The following FIGN variants were observed in gnomAD, a reference collection of about 807,000 sequenced individuals.
The protein encoded by FIGN is fidgetin.
Under a neutral mutation model 51.3 loss-of-function variants are expected in FIGN, and 11 were observed. That is an observed-to-expected ratio of 0.21 (90% CI 0.13 to 0.35). The LOEUF is 0.35. Among genes scored for constraint, FIGN ranks in the 10% least tolerant of loss-of-function variants. FIGN has a pLI of 1.00. For synonymous variants in FIGN, 407 were observed against 363.2 expected (o/e 1.12, Z -1.37); for missense variants, 857 against 943.6 (o/e 0.91, Z 1.20).
chr2:163,692,858 A>G (rs1684259159), intron 2 of FIGN, among the ~76,000 whole-genome samples: 2 of 152,212 alleles, frequency 1.3e-5, no homozygotes, highest in Non-Finnish European at 2.9e-5. Context: ...GGAGACAAGA[A>G]GGCAAACACA....
At chr2:163,662,957 G>T (rs901334620) in intron 2 of FIGN, among the ~76,000 whole-genome samples, 13 of 152,244 alleles carry the variant, frequency 8.5e-5, no homozygotes, top group African/African-American at 3.1e-4. Context: ...GCTTCTGAGG[G>T]CTCCCCAGCC....
chr2:163,734,888 C>A lies in FIGN; in HGVS notation c.25+15G>T. 7 of 1,601,372 alleles carry A rather than the reference C, an allele frequency of 4.4e-6. No individual in the cohort carries two copies. The highest frequency in any genetic ancestry group is 6.0e-6 in the Non-Finnish European group (7 of 1,174,704). ...TATTTAGATGCAAAGGAAGTAAATT[C>A]CAAAACTGACATACCATAAACACTG... On this transcript the variant is annotated intron_variant, in intron 2 of 2. Transcript: ENST00000333129.
Position 163,611,166 on chromosome 2 carries a change from G to A in FIGN, c.666C>T (p.Pro222=), listed in dbSNP as rs747601724. ...SPLHSSGLLQ[P]PPPPPPPPAL... ...CTGGTGGCGGAGGAGGTGGTGGTGGGGGCTGTAGTAGCCCAGAGCTATGCA... is the reference window on the plus strand; with the variant it reads ...CTGGTGGCGGAGGAGGTGGTGGTGGAGGCTGTAGTAGCCCAGAGCTATGCA... Residue 222 remains proline, a synonymous_variant, in exon 3 of 3, where the codon CCC becomes CCT. Coordinates refer to ENST00000333129, the MANE Select transcript of FIGN (RefSeq NM_018086.4). 3.7e-6 allele frequency: 6 copies of A among 1,614,002 alleles called. No homozygotes were observed. In the South Asian group the frequency reaches 4.4e-5, roughly 12 times the overall value.
intron 2 of FIGN, among the ~76,000 whole-genome samples, chr2:163,626,090 T>G (rs1683049779): frequency 6.6e-6 from 1 of 152,168 alleles, no homozygotes; most frequent in Non-Finnish European, 1.5e-5. Context: ...TGTTTTCAGC[T>G]TTCTGAATCA....
At chr2:163,617,698 G>C (rs1682903017) in intron 2 of FIGN, among the ~76,000 whole-genome samples, 1 of 152,136 alleles carries the variant, frequency 6.6e-6, no homozygotes, top group African/African-American at 2.4e-5. Flanking sequence ...TGTAGAATAA[G>C]ACCACTGGCA....
At chr2:163,628,244 G>A (rs1683086795) in intron 2 of FIGN, among the ~76,000 whole-genome samples, 1 of 134,612 alleles carries the variant, frequency 7.4e-6, no homozygotes, top group Non-Finnish European at 1.6e-5. Context: ...CTAATAGAGA[G>A]AGGTGGCTAT....
chr2:163,637,949 C>T (rs2105314762), intron 2 of FIGN, among the ~76,000 whole-genome samples: 1 of 152,256 alleles, frequency 6.6e-6, no homozygotes, highest in African/African-American at 2.4e-5. Context: ...GTGCTGGGAT[C>T]TCCAATAGAC....
At chr2:163,677,257 C>T (rs1348324715) in intron 2 of FIGN, among the ~76,000 whole-genome samples, 1 of 152,196 alleles carries the variant, frequency 6.6e-6, no homozygotes, top group Non-Finnish European at 1.5e-5. Context: ...ATTTGGGTTT[C>T]TGTGGATTCC....
At chr2:163,612,635 C>G in intron 2 of FIGN, 29 of 984,690 alleles carry the variant, frequency 2.9e-5, no homozygotes, top group Non-Finnish European at 3.5e-5. Context: ...AGCGTTCTCC[C>G]TCCTTCTCTT....
intron 2 of FIGN, among the ~76,000 whole-genome samples, chr2:163,720,510 T>C (rs1189128792): frequency 3.3e-5 from 5 of 152,340 alleles, no homozygotes; most frequent in Admixed American, 6.5e-5. Flanking sequence ...GGTAAACTTG[T>C]ACCTCATCCA....
At position 163,668,023 on chromosome 2, in the gene FIGN, C is replaced by G. The variant is rs547404986; in HGVS notation, c.26-56217G>C. On this transcript the variant is annotated intron_variant, in intron 2 of 2. Coordinates refer to ENST00000333129, the MANE Select transcript of FIGN (RefSeq NM_018086.4). ...AACACCCCTACCTCCAACCCCCCCC[C>G]CCAAAAAACCCTCCACAAGTAACAA... 6.2e-3 allele frequency among the ~76,000 whole-genome samples: 922 copies of G among 149,574 alleles called. 27 individuals carry two copies. The highest frequency in any genetic ancestry group is 0.034 in the Middle Eastern group (10 of 290).
intron 2 of FIGN, among the ~76,000 whole-genome samples, chr2:163,654,900 T>C (rs1018963405): frequency 1.3e-5 from 2 of 151,782 alleles, no homozygotes; most frequent in African/African-American, 4.9e-5. Flanking sequence ...AAAATGGTGA[T>C]TTTATTCCCA....
At chr2:163,617,023 T>C in intron 2 of FIGN, 2 of 813,866 alleles carry the variant, frequency 2.5e-6, no homozygotes, top group Non-Finnish European at 3.0e-6. Context: ...GATGACCAAA[T>C]GAAATGTTTG....
At chr2:163,702,671 A>G (rs2105351510) in intron 2 of FIGN, among the ~76,000 whole-genome samples, 1 of 152,300 alleles carries the variant, frequency 6.6e-6, no homozygotes, top group East Asian at 1.9e-4. Context: ...ATTAAAAAGA[A>G]AAGAAAAAGG....
chr2:163,650,953 G>C (rs1003431097), intron 2 of FIGN, among the ~76,000 whole-genome samples: 2 of 152,186 alleles, frequency 1.3e-5, no homozygotes, highest in Non-Finnish European at 2.9e-5. Context: ...TTGTATAGGA[G>C]CTAAAGAAAT....
chr2:163,734,245 G>A (rs1455249228), intron 2 of FIGN, among the ~76,000 whole-genome samples: 1 of 151,606 alleles, frequency 6.6e-6, no homozygotes, highest in African/African-American at 2.4e-5. Context: ...AAAGGGGGAA[G>A]AAAAACCTAT....
At chr2:163,657,302 C>T (rs1683576686) in intron 2 of FIGN, among the ~76,000 whole-genome samples, 1 of 152,050 alleles carries the variant, frequency 6.6e-6, no homozygotes, top group Admixed American at 6.6e-5. Context: ...TTTAGGAAGC[C>T]TCCTCGCTCT....
At chr2:163,635,662 A>G (rs1683212764) in intron 2 of FIGN, among the ~76,000 whole-genome samples, 1 of 152,234 alleles carries the variant, frequency 6.6e-6, no homozygotes, top group Non-Finnish European at 1.5e-5. Flanking sequence ...ATTAAATCAC[A>G]TCATTTGCAT....
At chr2:163,705,402 A>C (rs1472224090) in intron 2 of FIGN, among the ~76,000 whole-genome samples, 1 of 152,156 alleles carries the variant, frequency 6.6e-6, no homozygotes, top group Non-Finnish European at 1.5e-5. Flanking sequence ...GAGCTGAAAG[A>C]GAATTTAGAA....
Sources: allele counts gnomAD v4.1 joint callset (sites outside exome capture counted in the v4.1 genomes callset), GRCh38; gene constraint gnomAD v4.1.1; transcripts MANE v1.5; gene names NCBI Gene and HGNC (gene_info 2026-07-23, HGNC 2026-07-21).